CPA6: variants seen among roughly 807,000 people sequenced by gnomAD.
The protein encoded by CPA6 is carboxypeptidase B.
In CPA6, 58 loss-of-function variants were observed where a neutral mutation model predicts 63.3. The ratio of observed to expected loss-of-function variants is 0.92; its 90% confidence interval spans 0.74 to 1.14. The LOEUF is 1.14. CPA6 is among the 50% of genes most tolerant of loss of function. The pLI is 0.00. For missense variants in CPA6, 565 were observed against 526.6 expected, an observed-to-expected ratio of 1.07 and a Z score of -0.71; for synonymous variants, 185 against 179.0, an observed-to-expected ratio of 1.03 and a Z score of -0.27.
chr8:67,465,694 C>G (rs1810909540), intron 8 of CPA6, among the ~76,000 whole-genome samples: 1 of 152,064 alleles, frequency 6.6e-6, no homozygotes, highest in Admixed American at 6.6e-5. Flanking sequence ...TTATTAAAAG[C>G]TTTTCCCATG....
chr8:67,529,924 C>A (rs941032252), intron 2 of CPA6, among the ~76,000 whole-genome samples: 1 of 152,026 alleles, frequency 6.6e-6, no homozygotes. Context: ...ACCAGATATT[C>A]CCTAAAATCT....
chr8:67,727,217 T>TC (rs994876825), intron 1 of CPA6, among the ~76,000 whole-genome samples: 5 of 152,088 alleles, frequency 3.3e-5, no homozygotes, highest in African/African-American at 1.2e-4. Flanking sequence ...TTTGGAGCTT[T>TC]CCCCCCAGAT....
At chr8:67,667,775 T>C (rs772788218) in intron 1 of CPA6, among the ~76,000 whole-genome samples, 1 of 152,202 alleles carries the variant, frequency 6.6e-6, no homozygotes, top group East Asian at 1.9e-4. Context: ...TGGCACAGTA[T>C]AGAATAGGAG....
chr8:67,559,857 A>G (rs1042652158), intron 2 of CPA6, among the ~76,000 whole-genome samples: 10 of 119,702 alleles, frequency 8.4e-5, no homozygotes, highest in Admixed American at 5.6e-4. Flanking sequence ...GACAAAATAT[A>G]TATATATATG....
chr8:67,737,112 A>G (rs908827769), intron 1 of CPA6, among the ~76,000 whole-genome samples: 1 of 152,218 alleles, frequency 6.6e-6, no homozygotes, highest in Non-Finnish European at 1.5e-5. Flanking sequence ...CCCTGCTTAA[A>G]GTTGTTCATG....
chr8:67,446,046 C>T (rs879916011), intron 8 of CPA6, among the ~76,000 whole-genome samples: 1 of 152,060 alleles, frequency 6.6e-6, no homozygotes, highest in African/African-American at 2.4e-5. Context: ...GGGCGGATCA[C>T]GAGGTCAGGA....
At chr8:67,669,212 A>C (rs1816292814) in intron 1 of CPA6, among the ~76,000 whole-genome samples, 1 of 152,228 alleles carries the variant, frequency 6.6e-6, no homozygotes, top group African/African-American at 2.4e-5. Flanking sequence ...TCTCAAACTG[A>C]CTACTCATGG....
chr8:67,733,196 C>CAAAAAAAAAAAAAAAAAAAA (rs1211323183), intron 1 of CPA6, among the ~76,000 whole-genome samples: 1 of 14,894 alleles, frequency 6.7e-5, no homozygotes, highest in African/African-American at 2.1e-4. Context: ...GACTCCATCT[C>CAAAAAAAAAAAAAAAAAAAA]AAAAAAAAAA....
intron 8 of CPA6, among the ~76,000 whole-genome samples, chr8:67,460,248 T>C (rs1810770614): frequency 6.6e-6 from 1 of 152,256 alleles, no homozygotes. Context: ...CAATAGATGT[T>C]TATTGAATGA....
intron 8 of CPA6, among the ~76,000 whole-genome samples, chr8:67,466,218 T>C (rs1425770092): frequency 1.3e-5 from 2 of 151,992 alleles, no homozygotes; most frequent in Non-Finnish European, 1.5e-5. Flanking sequence ...TTTATCCACT[T>C]CCTCTAGATT....
At chr8:67,689,429 C>T (rs982764760) in intron 1 of CPA6, among the ~76,000 whole-genome samples, 2 of 152,186 alleles carry the variant, frequency 1.3e-5, no homozygotes, top group Non-Finnish European at 2.9e-5. Flanking sequence ...CCACCTCTAC[C>T]TCCACACTCC....
intron 2 of CPA6, among the ~76,000 whole-genome samples, chr8:67,579,431 A>C (rs966366702): frequency 6.6e-6 from 1 of 152,190 alleles, no homozygotes; most frequent in Non-Finnish European, 1.5e-5. Flanking sequence ...AAAAGAAAAA[A>C]CCTAAGTTTA....
chr8:67,703,134 G>A (rs1293888615), intron 1 of CPA6, among the ~76,000 whole-genome samples: 2 of 152,112 alleles, frequency 1.3e-5, no homozygotes, highest in Non-Finnish European at 2.9e-5. Flanking sequence ...ATACCTCTAT[G>A]CCTCTCCTCC....
At chr8:67,473,355 G>C in intron 8 of CPA6, among the ~76,000 whole-genome samples, 1 of 152,136 alleles carries the variant, frequency 6.6e-6, no homozygotes, top group East Asian at 1.9e-4. Flanking sequence ...ATTTCTAGTA[G>C]ATACATTATT....
chr8:67,737,060 T>C (rs891843097), intron 1 of CPA6, among the ~76,000 whole-genome samples: 14 of 152,224 alleles, frequency 9.2e-5, no homozygotes, highest in Non-Finnish European at 1.9e-4. Context: ...TTTTCAATGA[T>C]GGCAGAGAGA....
At chr8:67,546,170 T>C (rs574332329) in intron 2 of CPA6, among the ~76,000 whole-genome samples, 2 of 152,208 alleles carry the variant, frequency 1.3e-5, no homozygotes, top group African/African-American at 4.8e-5. Context: ...GGGTCTAATG[T>C]AAGAAAAAGA....
At chr8:67,422,767 A>G in intron 10 of CPA6, 76 bp from the exon 11 acceptor site, 1 of 1,064,780 alleles carries the variant, frequency 9.4e-7, no homozygotes, top group Non-Finnish European at 1.3e-6. Flanking sequence ...ATATACTATA[A>G]AGTATCCGCT....
intron 8 of CPA6, among the ~76,000 whole-genome samples, chr8:67,439,346 G>A (rs551914490): frequency 6.6e-6 from 1 of 152,024 alleles, no homozygotes; most frequent in Non-Finnish European, 1.5e-5. Context: ...CCAGCACTTT[G>A]GGAGCCAAGG....
At chr8:67,700,991 A>G (rs537864484) in intron 1 of CPA6, among the ~76,000 whole-genome samples, 3 of 152,326 alleles carry the variant, frequency 2.0e-5, no homozygotes, top group South Asian at 2.1e-4. Flanking sequence ...TTAGAATATT[A>G]TAGACATAAT....
Sources: allele counts gnomAD v4.1 joint callset (sites outside exome capture counted in the v4.1 genomes callset), GRCh38; gene constraint gnomAD v4.1.1; transcripts MANE v1.5; gene names NCBI Gene and HGNC (gene_info 2026-07-23, HGNC 2026-07-21).